COQ10A: variants seen among roughly 807,000 people sequenced by gnomAD.
The protein encoded by COQ10A is coenzyme Q-binding protein COQ10 homolog A, mitochondrial.
A neutral mutation model predicts 26.1 loss-of-function variants in COQ10A; 25 were observed. The observed-to-expected ratio is 0.96, with a 90% CI of 0.70 to 1.34. The LOEUF (loss-of-function observed/expected upper bound fraction) is 1.34. COQ10A is among the 40% of genes most tolerant of loss of function. The probability of loss-of-function intolerance (pLI) is 0.00; values close to 1 mark genes in which losing one functional copy is unlikely to be tolerated. For synonymous variants in COQ10A, 132 were observed against 124.0 expected (o/e 1.06, Z -0.43); for missense variants, 312 against 335.4 (o/e 0.93, Z 0.54).
intron 4 of COQ10A, 66 bp from the exon 5 acceptor site, chr12:56,270,084 T>G: frequency 4.6e-6 from 7 of 1,508,608 alleles, no homozygotes; most frequent in Admixed American, 1.8e-5. Context: ...AACAGTTTCC[T>G]TGCATTTGGC....
At chr12:56,268,088 CT>C in intron 2 of COQ10A, 148 bp downstream of exon 2, 1 of 987,358 alleles carries the variant, frequency 1.0e-6, no homozygotes, top group Non-Finnish European at 1.5e-6. Flanking sequence ...CAGTCCTCCC[CT>C]GCCACTCTTC....
In COQ10A at chr12:56,267,704, G is replaced by A. The variant is rs778220714; in HGVS notation, c.135-90G>A. ...GGGAAAGCTTGTTTGGACGACCTTC[G>A]TCTGGGATGCACTCTTCTTCTCCTT... On this transcript the variant is annotated intron_variant, in intron 1 of 4. Coordinates refer to ENST00000308197, the MANE Select transcript of COQ10A (RefSeq NM_144576.4). 7.0e-6 allele frequency: 11 copies of A among 1,562,312 alleles called. No homozygotes were observed. The South Asian group carries it at 1.2e-4, about 17-fold the overall frequency.
In COQ10A at chr12:56,270,314, T is replaced by C. The variant is rs1872479903; in HGVS notation, c.741T>C (p.Thr247=). 2 of 1,613,444 alleles carry C rather than the reference T, an allele frequency of 1.2e-6. No homozygotes were observed. Among genetic ancestry groups the C allele is most frequent in the Non-Finnish European group, 1.7e-6 (2 of 1,179,616 alleles). ...RELMFHEVHQ[T] ...TGATGTTCCATGAGGTGCACCAGAC[T>C]TGAGGCAAGGGATTGCTCCCTGACC... The change falls in exon 5 of 5, where the codon ACT becomes ACC. Residue 247 remains threonine, a synonymous_variant. Transcript: ENST00000308197.
intron 4 of COQ10A, 107 bp from the exon 5 acceptor site, chr12:56,270,043 T>C: frequency 8.7e-7 from 1 of 1,143,318 alleles, no homozygotes; most frequent in Non-Finnish European, 1.3e-6. Flanking sequence ...ATCCACGAAC[T>C]GGATGGGGAG....
intron 4 of COQ10A, 83 bp downstream of exon 4, chr12:56,269,644 T>G: frequency 2.0e-6 from 2 of 1,013,122 alleles, no homozygotes; most frequent in Non-Finnish European, 3.2e-6. Flanking sequence ...ATTAATTTAT[T>G]TGAGATGGAG....
chr12:56,269,669 C>G lies in COQ10A; in HGVS notation c.576+108C>G, dbSNP rs1872451193. On this transcript the variant is annotated intron_variant, in intron 4 of 4. Coordinates refer to ENST00000308197, the MANE Select transcript of COQ10A (RefSeq NM_144576.4). ...TTGAGATGGAGTCTTGCTCCGTCAC[C>G]CAGGCTGGAGTGCAATGGCACGATC... 3 of 872,004 alleles carry G rather than the reference C, an allele frequency of 3.4e-6. No individual in the cohort carries two copies. The Admixed American group carries it at 5.3e-5, about 15-fold the overall frequency. The allele number at this position is 872,004 out of a possible 1,614,324, so 54.0% of individuals were successfully genotyped here.
intron 2 of COQ10A, chr12:56,268,782 C>A (rs1033065237): frequency 5.6e-6 from 2 of 359,694 alleles, no homozygotes; most frequent in Admixed American, 4.1e-5. Context: ...GTGTGATCAC[C>A]AGTAAAACTG....
Position 56,270,233 on chromosome 12 carries a change from C to T in COQ10A, c.660C>T (p.Ala220=). The change falls in exon 5 of 5, where the codon GCC becomes GCT. Residue 220 remains alanine, a synonymous_variant. Transcript: ENST00000308197. ...AGGTTGTCAAACAGAATGTTGCTGC[C>T]TTTGAGCGTCGGGCAGCCACCAAGT... The part of the protein sequence containing the change: ...FDEVVKQNVA[A]FERRAATKFG... 2 of 1,614,168 alleles carry T rather than the reference C, an allele frequency of 1.2e-6. No individual in the cohort carries two copies. The highest frequency in any genetic ancestry group is 8.5e-7 in the Non-Finnish European group (1 of 1,180,026).
rs1319138967 is a variant in COQ10A at position 56,267,878 on chromosome 12, C to G, written c.219C>G (p.Phe73Leu). ...AEAGLPSSRSFMGFAAPFTNK... is the reference protein window; with the variant it reads ...AEAGLPSSRSLMGFAAPFTNK... ...CTGGCTTACCTTCGAGCCGTTCCTT[C>G]ATGGGATTTGCTGCTCCCTTCACCA... Residue 73 changes from phenylalanine to leucine, a missense_variant, in exon 2 of 5, where the codon TTC becomes TTG. Coordinates refer to ENST00000308197, the MANE Select transcript of COQ10A (RefSeq NM_144576.4). 2.5e-6 allele frequency: 4 copies of G among 1,614,228 alleles called. No individual in the cohort carries two copies.
Position 56,267,037 on chromosome 12 carries a change from C to A in COQ10A, c.-82C>A. 8.3e-7 allele frequency: 1 copy of A among 1,204,842 alleles called. No homozygotes were observed. The highest frequency in any genetic ancestry group is 1.0e-6 in the Non-Finnish European group (1 of 968,536). The allele number at this position is 1,204,842 out of a possible 1,614,324, so 74.6% of individuals were successfully genotyped here. The stretch of plus-strand genomic sequence containing the variant: ...CTCAGAGGTCCCGAACCAGCCCAGC[C>A]GCTGCCTCTTGCCGCTCCGCCTTTG... On this transcript the variant is annotated 5_prime_UTR_variant, in exon 1 of 5. Coordinates refer to ENST00000308197, the MANE Select transcript of COQ10A (RefSeq NM_144576.4).
intron 1 of COQ10A, 50 bp downstream of exon 1, chr12:56,267,302 G>C: frequency 6.3e-7 from 1 of 1,596,940 alleles, no homozygotes; most frequent in Non-Finnish European, 8.6e-7. Flanking sequence ...TGCGAACCCC[G>C]GGGTTCCGCG....
rs1456886526 is a variant in COQ10A at position 56,270,541 on chromosome 12, T to C, written c.*224T>C. On this transcript the variant is annotated 3_prime_UTR_variant, in exon 5 of 5. Transcript: ENST00000308197. ...TGTGCTTAGGAAAGGGTCAGGCCCA[T>C]CGTAGGAGCACCATATGCCTGCAGC... is the stretch of plus-strand genomic sequence containing the variant. 1.9e-6 allele frequency: 1 copy of C among 529,302 alleles called. No homozygotes were observed. The highest frequency in any genetic ancestry group is 3.3e-6 in the Non-Finnish European group (1 of 299,202). The allele number at this position is 529,302 out of a possible 1,614,324, so 32.8% of individuals were successfully genotyped here. A position where few individuals can be genotyped will look rare whatever the true frequency, so the allele number is the denominator to read the frequency against.
intron 4 of COQ10A, 48 bp downstream of exon 4, chr12:56,269,609 A>C (rs746320655): frequency 2.9e-5 from 36 of 1,256,750 alleles, no homozygotes; most frequent in Non-Finnish European, 1.8e-5. Flanking sequence ...GGTATGAGGA[A>C]GGGCTGGGGT....
At position 56,270,659 on chromosome 12, in the gene COQ10A, TC is replaced by T. The variant is rs1177697464; in HGVS notation, c.*343del. On this transcript the variant is annotated 3_prime_UTR_variant, in exon 5 of 5. Transcript: ENST00000308197. ...CTGACCAGGGGACGATAGTAACTTT[TC>T]TAAGGATTGAATAAATTGAGCTTTT... 1 of 183,594 alleles carries T rather than the reference TC, an allele frequency of 5.4e-6. No homozygotes were observed. Among genetic ancestry groups the T allele is most frequent in the Non-Finnish European group, 1.1e-5 (1 of 88,982 alleles). The allele number at this position is 183,594 out of a possible 1,614,324, so 11.4% of individuals were successfully genotyped here.
Position 56,267,879 on chromosome 12 carries a change from A to G in COQ10A, c.220A>G (p.Met74Val), listed in dbSNP as rs1201078084. Residue 74 changes from methionine (M) to valine (V), a missense_variant, in exon 2 of 5, where the codon ATG (methionine) becomes GTG (valine). Physicochemically the swap from Met to Val is conservative, Grantham distance 21. Transcript: ENST00000308197. ...EAGLPSSRSF[M>V]GFAAPFTNKR... ...TGGCTTACCTTCGAGCCGTTCCTTC[A>G]TGGGATTTGCTGCTCCCTTCACCAA... 6.2e-7 allele frequency: 1 copy of G among 1,614,134 alleles called. No individual in the cohort carries two copies. The highest frequency in any genetic ancestry group is 1.1e-5 in the South Asian group (1 of 91,082).
chr12:56,267,753 C>A, intron 1 of COQ10A, 41 bp from the exon 2 acceptor site: 7 of 1,613,242 alleles, frequency 4.3e-6, no homozygotes, highest in Non-Finnish European at 5.1e-6. Context: ...TAGAGGATTA[C>A]GAAGAACTAT....
In COQ10A at chr12:56,267,061, T is replaced by A; in HGVS notation, c.-58T>A. 1 of 1,243,380 alleles carries A rather than the reference T, an allele frequency of 8.0e-7. No individual in the cohort carries two copies. Among genetic ancestry groups the A allele is most frequent in the Non-Finnish European group, 1.0e-6 (1 of 993,708 alleles). The allele number at this position is 1,243,380 out of a possible 1,614,324, so 77.0% of individuals were successfully genotyped here. ...CCGCTGCCTCTTGCCGCTCCGCCTT[T>A]GGAGTGAGGAGGGCGCAGCCCGCGT... On this transcript the variant is annotated 5_prime_UTR_variant, in exon 1 of 5. Transcript: ENST00000308197.
Sources: gnomAD v4.1 joint callset for allele counts on GRCh38, gnomAD v4.1.1 for gene constraint, MANE v1.5 for transcripts, NCBI Gene and HGNC (gene_info 2026-07-23, HGNC 2026-07-21) for gene names.